PRKCH: variants seen among roughly 807,000 people sequenced by gnomAD.
PRKCH encodes protein kinase C eta type.
A neutral mutation model predicts 82.5 loss-of-function variants in PRKCH; 28 were observed. The observed-to-expected ratio is 0.34, with a 90% CI of 0.25 to 0.47. PRKCH has a LOEUF of 0.47. Ranked by LOEUF, PRKCH falls within the 20% of genes least tolerant of loss-of-function variation. The probability of loss-of-function intolerance (pLI) is 1.00; values close to 1 mark genes in which losing one functional copy is unlikely to be tolerated. For synonymous variants in PRKCH, 322 were observed against 327.4 expected (o/e 0.98, Z 0.18); for missense variants, 705 against 881.8 (o/e 0.80, Z 2.54).
At chr14:61,393,107 T>G (rs1479648533) in intron 2 of PRKCH, among the ~76,000 whole-genome samples, 1 of 152,220 alleles carries the variant, frequency 6.6e-6, no homozygotes, top group Non-Finnish European at 1.5e-5. Flanking sequence ...TTTGTCCATC[T>G]GATCTCTCTT....
At chr14:61,506,266 G>C (rs1887143407) in intron 10 of PRKCH, among the ~76,000 whole-genome samples, 1 of 152,142 alleles carries the variant, frequency 6.6e-6, no homozygotes, top group Non-Finnish European at 1.5e-5. Flanking sequence ...TTGGAAAAAT[G>C]TCAGGAATAC....
chr14:61,456,641 T>C (rs986164747), intron 7 of PRKCH, among the ~76,000 whole-genome samples: 1 of 152,202 alleles, frequency 6.6e-6, no homozygotes, highest in Non-Finnish European at 1.5e-5. Context: ...GGTGAGATTT[T>C]AGGTATTTAG....
Position 61,529,114 on chromosome 14 carries a change from T to G in PRKCH, c.1473T>G (p.Gly491=). ...KLDNVLLDHE[G]HCKLADFGMC... ...ACAATGTCCTGTTGGACCACGAGGG[T>G]CACTGTAAACTGGCAGACTTCGGAA... The change falls in exon 11 of 14, where the codon GGT becomes GGG. Residue 491 remains glycine (G), a synonymous_variant. Coordinates refer to ENST00000332981, the MANE Select transcript of PRKCH (RefSeq NM_006255.5). The G allele has an allele frequency of 6.2e-7, 1 of 1,613,788 alleles. No homozygotes were observed. Among genetic ancestry groups the G allele is most frequent in the Non-Finnish European group, 8.5e-7 (1 of 1,179,872 alleles).
intron 2 of PRKCH, among the ~76,000 whole-genome samples, chr14:61,405,524 C>T (rs1197524807): frequency 3.9e-5 from 6 of 152,084 alleles, no homozygotes; most frequent in Admixed American, 1.3e-4. Flanking sequence ...ATTACAGGCG[C>T]GCAGCACCAC....
In PRKCH at chr14:61,307,694, G is replaced by T. The variant is rs1181416012; in HGVS notation, c.-19+120026G>T. Among the ~76,000 whole-genome samples, 8 of 151,852 alleles carry T rather than the reference G, an allele frequency of 5.3e-5. No homozygotes were observed. The East Asian group carries it at 1.4e-3, about 26-fold the overall frequency. On this transcript the variant is annotated intron_variant, in intron 1 of 3. Transcript: ENST00000555185. ...CATCTTATTACAATGCTGTTTTTTT[G>T]TTTTTTATCATAAAACATTCATTCT...
At chr14:61,321,302 C>G (rs2045616474), upstream of PRKCH, among the ~76,000 whole-genome samples, 1 of 152,204 alleles carries the variant, frequency 6.6e-6, no homozygotes, top group Non-Finnish European at 1.5e-5. The surrounding 1 kb of genome is among the most constrained non-coding windows in gnomAD (Gnocchi z 4.1). Flanking sequence ...TCTGCGTCCT[C>G]CCAACCTTCC....
chr14:61,243,350 A>G (rs1388766143), intron 1 of PRKCH, among the ~76,000 whole-genome samples: 2 of 146,584 alleles, frequency 1.4e-5, no homozygotes, highest in African/African-American at 5.0e-5. Context: ...ATGAATGGAG[A>G]TCGAGCCTGG....
intron 1 of PRKCH, among the ~76,000 whole-genome samples, chr14:61,289,284 G>A (rs1157000712): frequency 1.3e-5 from 2 of 152,246 alleles, no homozygotes; most frequent in East Asian, 3.8e-4. Context: ...AACTAAGCAT[G>A]TATAGGCTGG....
chr14:61,204,347 G>A (rs1031961491), intron 1 of PRKCH, among the ~76,000 whole-genome samples: 8 of 152,148 alleles, frequency 5.3e-5, no homozygotes, highest in African/African-American at 1.9e-4. Flanking sequence ...TGAGGAAATT[G>A]AGGGATAGAA....
At chr14:61,475,027 T>G (rs1885669609) in intron 9 of PRKCH, among the ~76,000 whole-genome samples, 1 of 152,144 alleles carries the variant, frequency 6.6e-6, no homozygotes, top group Non-Finnish European at 1.5e-5. Flanking sequence ...CCAAAATATC[T>G]TCCCACATGG....
intron 1 of PRKCH, among the ~76,000 whole-genome samples, chr14:61,206,338 CT>C (rs1470762553): frequency 1.2e-4 from 19 of 152,182 alleles, no homozygotes; most frequent in Admixed American, 1.2e-3. Flanking sequence ...CAGTTCTTGG[CT>C]TCTAGCTGCA....
At chr14:61,412,970 C>T (rs1345386243) in intron 2 of PRKCH, among the ~76,000 whole-genome samples, 3 of 152,094 alleles carry the variant, frequency 2.0e-5, no homozygotes, top group Non-Finnish European at 2.9e-5. Flanking sequence ...CTCACATGTT[C>T]ATTTACCTGG....
intron 2 of PRKCH, among the ~76,000 whole-genome samples, chr14:61,400,611 T>A (rs955291504): frequency 6.6e-6 from 1 of 152,218 alleles, no homozygotes; most frequent in Non-Finnish European, 1.5e-5. Flanking sequence ...TTCTCCATAA[T>A]ATCTAGCTCA....
intron 1 of PRKCH, among the ~76,000 whole-genome samples, chr14:61,204,485 T>A (rs1221078830): frequency 6.6e-6 from 1 of 152,142 alleles, no homozygotes; most frequent in East Asian, 1.9e-4. Context: ...CCAGGTGCAG[T>A]GGCTCACACC....
At chr14:61,275,792 T>G (rs2045196478) in intron 1 of PRKCH, among the ~76,000 whole-genome samples, 1 of 152,140 alleles carries the variant, frequency 6.6e-6, no homozygotes, top group South Asian at 2.1e-4. Context: ...CCTGTCTCCC[T>G]ACAACCCCCA....
At chr14:61,408,853 A>G (rs1333095619) in intron 2 of PRKCH, among the ~76,000 whole-genome samples, 1 of 152,188 alleles carries the variant, frequency 6.6e-6, no homozygotes, top group South Asian at 2.1e-4. Context: ...TAGACGTCAT[A>G]TTCTAGGAGG....
At chr14:61,412,600 G>A (rs983173399) in intron 2 of PRKCH, among the ~76,000 whole-genome samples, 2 of 152,176 alleles carry the variant, frequency 1.3e-5, no homozygotes, top group Non-Finnish European at 2.9e-5. Flanking sequence ...CTGTGCCAAT[G>A]CCTGACCTGA....
At chr14:61,460,645 G>T (rs1272339948) in intron 9 of PRKCH, among the ~76,000 whole-genome samples, 1 of 152,210 alleles carries the variant, frequency 6.6e-6, no homozygotes. Flanking sequence ...AAGTGGCAGA[G>T]AGCGTTTGAA....
At chr14:61,493,359 A>C (rs1361834590) in intron 10 of PRKCH, among the ~76,000 whole-genome samples, 2 of 152,162 alleles carry the variant, frequency 1.3e-5, no homozygotes, top group African/African-American at 4.8e-5. Flanking sequence ...TCATCTCTCT[A>C]TTCCAATTCC....
Sources: allele counts gnomAD v4.1 joint callset (sites outside exome capture counted in the v4.1 genomes callset), GRCh38; gene constraint gnomAD v4.1.1; non-coding constraint Gnocchi (gnomAD v3.1); transcripts MANE v1.5; gene names NCBI Gene and HGNC (gene_info 2026-07-23, HGNC 2026-07-21).